CELF6: variants seen among roughly 807,000 people sequenced by gnomAD.
The protein encoded by CELF6 is Bruno -like 6, RNA binding protein.
CELF6 carries 32 observed loss-of-function variants against 53.1 expected under a neutral mutation model. That is an observed-to-expected ratio of 0.60 (90% confidence interval 0.46 to 0.81). The LOEUF (loss-of-function observed/expected upper bound fraction) is 0.81, where lower values mean the gene tolerates loss of function less well. CELF6 is among the 30% of genes least tolerant of loss of function. The probability of loss-of-function intolerance (pLI) is 0.00; values close to 1 mark genes in which losing one functional copy is unlikely to be tolerated. For synonymous variants in CELF6, 291 were observed against 288.8 expected (o/e 1.01, Z -0.08); for missense variants, 539 against 669.5 (o/e 0.81, Z 2.15).
Position 72,287,376 on chromosome 15 carries a change from G to C in CELF6, c.1335C>G (p.Asp445Glu). 1 of 1,614,118 alleles carries C rather than the reference G, an allele frequency of 6.2e-7. No individual in the cohort carries two copies. Among genetic ancestry groups the C allele is most frequent in the Non-Finnish European group, 8.5e-7 (1 of 1,179,982 alleles). ...TAGCAGTCTGGGCACTAGTTGGATTGTCAAAACTAACAAACCCTGGAGGGT... is the reference window on the plus strand; with the variant it reads ...TAGCAGTCTGGGCACTAGTTGGATTCTCAAAACTAACAAACCCTGGAGGGT... ...QSKCFGFVSF[D>E]NPTSAQTAIQ... The change falls in exon 12 of 13, where the codon GAC becomes GAG. Residue 445 changes from aspartate (D) to glutamate (E), a missense_variant. This residue lies in a region of CELF6 where 358 missense variants were observed against 412.8 expected (regional missense o/e 0.87). Coordinates refer to ENST00000287202, the MANE Select transcript of CELF6 (RefSeq NM_052840.5).
Position 72,288,952 on chromosome 15 carries a change from G to A in CELF6, c.1031-22C>T. ...TGGGCTGGGGAGAGAGGGGCGCGAG[G>A]CCCACAGTGAAGGCAAGCGGGCGAG... On this transcript the variant is annotated intron_variant, in intron 8 of 12. Coordinates refer to ENST00000287202, the MANE Select transcript of CELF6 (RefSeq NM_052840.5). The surrounding 1 kb of genome is among the most constrained non-coding windows in gnomAD (Gnocchi z 4.6). The A allele has an allele frequency of 6.5e-7, 1 of 1,547,358 alleles. No individual in the cohort carries two copies. Among genetic ancestry groups the A allele is most frequent in the East Asian group, 2.4e-5 (1 of 40,908 alleles).
chr15:72,288,714 C>A lies in CELF6; in HGVS notation c.1094-96G>T. ...CCGCTTTTGACCAATTCAGCCCAGT[C>A]CACCATAACCCTCACCCCAAGAGAG... is the stretch of plus-strand genomic sequence containing the variant. On this transcript the variant is annotated intron_variant, in intron 9 of 12. Transcript: ENST00000287202. This position sits in a 1 kb window ranked among gnomAD's most constrained non-coding sequence, Gnocchi z 4.6. 1 of 1,382,886 alleles carries A rather than the reference C, an allele frequency of 7.2e-7. No homozygotes were observed. Among genetic ancestry groups the A allele is most frequent in the South Asian group, 1.3e-5 (1 of 78,634 alleles). 85.7% of individuals were successfully genotyped at this position (1,382,886 alleles called of 1,614,324 possible).
chr15:72,299,641 G>A lies in CELF6; in HGVS notation c.394+5105C>T, dbSNP rs566695635. Among the ~76,000 whole-genome samples, 10 of 152,256 alleles carry A rather than the reference G, an allele frequency of 6.6e-5. No homozygotes were observed. The South Asian group carries it at 1.5e-3, about 22-fold the overall frequency. ...CTCCCAAAATGCTAGGATTACAGGC[G>A]TGAGCCACCACGCCCAGTCCTGAGG... On this transcript the variant is annotated intron_variant, in intron 3 of 12. Coordinates refer to ENST00000287202, the MANE Select transcript of CELF6 (RefSeq NM_052840.5).
Position 72,289,240 on chromosome 15 carries a change from G to A in CELF6, c.928C>T (p.Pro310Ser). The change falls in exon 8 of 13, where the codon CCG (proline) becomes TCG (serine). Residue 310 changes from proline (P) to serine (S), a missense_variant. This residue lies in a region of CELF6 where 358 missense variants were observed against 412.8 expected (regional missense o/e 0.87). Transcript: ENST00000287202. This position sits in a 1 kb window ranked among gnomAD's most constrained non-coding sequence, Gnocchi z 7.6. ...AATCCATTGACCCCGATGGGCGCCG[G>A]AAGACCTGGGAGGGTGCCAGGGCCG... The part of the protein sequence containing the change: ...GSGPGTLPGL[P>S]APIGVNGFGP... 6.3e-7 allele frequency: 1 copy of A among 1,579,128 alleles called. No homozygotes were observed. The highest frequency in any genetic ancestry group is 1.2e-5 in the South Asian group (1 of 86,252).
intron 3 of CELF6, among the ~76,000 whole-genome samples, chr15:72,296,309 T>C (rs1022991466): frequency 6.6e-6 from 1 of 152,214 alleles, no homozygotes; most frequent in Non-Finnish European, 1.5e-5. Flanking sequence ...CTGACAGGAT[T>C]TGGCAATGAT....
chr15:72,301,826 T>C (rs1185016752), intron 3 of CELF6, among the ~76,000 whole-genome samples: 2 of 146,572 alleles, frequency 1.4e-5, no homozygotes. Context: ...AAGCTCCGCC[T>C]GCTGGGTTCA....
In CELF6 at chr15:72,315,861, T is replaced by C; in HGVS notation, c.329A>G (p.Gln110Arg). 1 of 1,603,482 alleles carries C rather than the reference T, an allele frequency of 6.2e-7. No homozygotes were observed. The highest frequency in any genetic ancestry group is 8.5e-7 in the Non-Finnish European group (1 of 1,175,346). The change falls in exon 2 of 13, where the codon CAG (glutamine) becomes CGG (arginine). Residue 110 changes from glutamine (Q) to arginine (R), a missense_variant. By Grantham distance (43) the Gln-to-Arg change is conservative. Transcript: ENST00000287202. ...AGGACTTACCCCTGGCAGGGTCTTC[T>C]GCTCGTGCAGTGCACTCTGGGCCTT... The part of the protein sequence containing the change: ...ALKAQSALHE[Q>R]KTLPGMNRPI...
At chr15:72,305,203 G>T (rs1241638541) in intron 2 of CELF6, among the ~76,000 whole-genome samples, 1 of 152,172 alleles carries the variant, frequency 6.6e-6, no homozygotes, top group South Asian at 2.1e-4. Flanking sequence ...AGAATATCAC[G>T]CTATGTGTCA....
chr15:72,300,773 G>A (rs754641499), intron 3 of CELF6, among the ~76,000 whole-genome samples: 1 of 152,052 alleles, frequency 6.6e-6, no homozygotes, highest in Non-Finnish European at 1.5e-5. Context: ...GGCAGAGGTT[G>A]CGTTGAGTGG....
At chr15:72,290,338 C>A in intron 3 of CELF6, 83 bp from the exon 4 acceptor site, 1 of 1,474,746 alleles carries the variant, frequency 6.8e-7, no homozygotes, top group South Asian at 1.3e-5. Context: ...AGGAAGGCAG[C>A]TCACCAGTCT....
chr15:72,311,021 T>C (rs143754524), intron 2 of CELF6, among the ~76,000 whole-genome samples: 102 of 152,310 alleles, frequency 6.7e-4, no homozygotes, highest in African/African-American at 2.1e-3. Flanking sequence ...CAAATTTTCT[T>C]GTCTTTTAGG....
Position 72,319,490 on chromosome 15 carries a change from G to T in CELF6, c.262+123C>A. On this transcript the variant is annotated intron_variant, in intron 1 of 12. Transcript: ENST00000287202. This position sits in a 1 kb window ranked among gnomAD's most constrained non-coding sequence, Gnocchi z 5.0. ...GATCTGGGAAGGGGGCTGGGCTGAGGTGGGGCTGATATTGGACTGGTGTTG... is the reference window on the plus strand; with the variant it reads ...GATCTGGGAAGGGGGCTGGGCTGAGTTGGGGCTGATATTGGACTGGTGTTG... The T allele has an allele frequency of 9.3e-7, 1 of 1,074,548 alleles. No individual in the cohort carries two copies. Among genetic ancestry groups the T allele is most frequent in the Non-Finnish European group, 1.3e-6 (1 of 769,282 alleles). 66.6% of individuals were successfully genotyped at this position (1,074,548 alleles called of 1,614,324 possible).
chr15:72,297,398 T>C (rs978362006), intron 3 of CELF6, among the ~76,000 whole-genome samples: 44 of 152,234 alleles, frequency 2.9e-4, no homozygotes, highest in African/African-American at 1.1e-3. Flanking sequence ...AATGCAATGT[T>C]TGTCTTTCTG....
chr15:72,301,882 G>A lies in CELF6; in HGVS notation c.394+2864C>T, dbSNP rs1344111974. Among the ~76,000 whole-genome samples, 5 of 151,918 alleles carry A rather than the reference G, an allele frequency of 3.3e-5. No individual in the cohort carries two copies. In the East Asian group the frequency reaches 9.7e-4, roughly 29 times the overall value. On this transcript the variant is annotated intron_variant, in intron 3 of 12. Transcript: ENST00000287202. ...CTCCTGAGTAGATGGGACTACATGCGCCCGCCACCACACCTGGCTAATTAT... is the reference window on the plus strand; with the variant it reads ...CTCCTGAGTAGATGGGACTACATGCACCCGCCACCACACCTGGCTAATTAT...
In CELF6 at chr15:72,289,280, GT is replaced by G. The variant is rs1372599164; in HGVS notation, c.887del (p.Asn296ThrfsTer26). ...TGCCAGGGCCGCTGCCAGGCGGGGA[GT>G]TGGCTGCTGATGGCGGAAAAGGTCT... ...AAPLLPAAAA[N>X]SPPGSGPGTL... On this transcript the variant is annotated frameshift_variant, in exon 8 of 13. Transcript: ENST00000287202. LOFTEE classifies it high-confidence loss of function. The surrounding 1 kb of genome is among the most constrained non-coding windows in gnomAD (Gnocchi z 7.6). The G allele has an allele frequency of 1.3e-6, 2 of 1,572,700 alleles. No individual in the cohort carries two copies. Among genetic ancestry groups the G allele is most frequent in the Non-Finnish European group, 8.6e-7 (1 of 1,164,636 alleles).
chr15:72,289,350 G>A lies in CELF6; in HGVS notation c.880+25C>T. Reference sequence around the variant, plus strand: ...CCGCCCCGCCCGGCCCCTCCCAGGCGCGCCCCAGTCCCTGGGGGCCGTACC... The same window carrying A: ...CCGCCCCGCCCGGCCCCTCCCAGGCACGCCCCAGTCCCTGGGGGCCGTACC... On this transcript the variant is annotated intron_variant, in intron 7 of 12. Coordinates refer to ENST00000287202, the MANE Select transcript of CELF6 (RefSeq NM_052840.5). This position sits in a 1 kb window ranked among gnomAD's most constrained non-coding sequence, Gnocchi z 7.6. The A allele has an allele frequency of 6.5e-7, 1 of 1,541,682 alleles. No individual in the cohort carries two copies. Among genetic ancestry groups the A allele is most frequent in the South Asian group, 1.2e-5 (1 of 84,648 alleles).
rs755177396 is a variant in CELF6 at position 72,289,364 on chromosome 15, G to T, written c.880+11C>A. The stretch of plus-strand genomic sequence containing the variant: ...CCCTCCCAGGCGCGCCCCAGTCCCT[G>T]GGGGCCGTACCTGCCGCGGGCAACA... On this transcript the variant is annotated intron_variant, in intron 7 of 12. Coordinates refer to ENST00000287202, the MANE Select transcript of CELF6 (RefSeq NM_052840.5). The surrounding 1 kb of genome is among the most constrained non-coding windows in gnomAD (Gnocchi z 7.6). 2.6e-6 allele frequency: 4 copies of T among 1,548,666 alleles called. No homozygotes were observed. Among genetic ancestry groups the T allele is most frequent in the Non-Finnish European group, 3.5e-6 (4 of 1,155,348 alleles).
In CELF6 at chr15:72,289,760, G is replaced by C. The variant is rs1430155950; in HGVS notation, c.614C>G (p.Ser205Cys). The stretch of plus-strand genomic sequence containing the variant: ...GTCCGCCAGCTTGACCACGAGGCTG[G>C]ACGAGGCGCCCTGGGCAGGGCAGGG... ...HGSRTMAGAS[S>C]SLVVKLADTD... is the part of the protein sequence containing the mutation. Residue 205 changes from serine to cysteine, a missense_variant, in exon 6 of 13, where the codon TCC becomes TGC. Around this residue, in one of 3 missense-constraint regions of CELF6, gnomAD observed 358 missense variants for 412.8 expected, o/e 0.87. Transcript: ENST00000287202. The surrounding 1 kb of genome is among the most constrained non-coding windows in gnomAD (Gnocchi z 7.6). 2.7e-6 allele frequency: 4 copies of C among 1,455,306 alleles called. No individual in the cohort carries two copies. Among genetic ancestry groups the C allele is most frequent in the Middle Eastern group, 5.0e-4 (2 of 4,030 alleles). 90.1% of individuals were successfully genotyped at this position (1,455,306 alleles called of 1,614,324 possible).
chr15:72,292,088 T>A (rs891091567), intron 3 of CELF6: 2 of 665,594 alleles, frequency 3.0e-6, no homozygotes. Context: ...AAGAGAAAAA[T>A]AGAACTGCTG....
Sources: gnomAD v4.1 joint callset for allele counts (sites outside exome capture counted in the v4.1 genomes callset) on GRCh38, gnomAD v4.1.1 for gene constraint, gnomAD v4.1.1 regional missense constraint, Gnocchi (gnomAD v3.1) non-coding constraint, MANE v1.5 for transcripts, NCBI Gene and HGNC (gene_info 2026-07-23, HGNC 2026-07-21) for gene names.